TACC2: variants seen among roughly 807,000 people sequenced by gnomAD.
TACC2 encodes transforming acidic coiled-coil-containing protein 2.
TACC2 carries 137 observed loss-of-function variants against 227.3 expected under a neutral mutation model. That is an observed-to-expected ratio of 0.60 (90% CI 0.52 to 0.69). The LOEUF is 0.69. Ranked by LOEUF, TACC2 falls within the 30% of genes least tolerant of loss-of-function variation. The pLI is 0.00. For synonymous variants in TACC2, 1,523 were observed against 1,487.5 expected, an observed-to-expected ratio of 1.02 and a Z score of -0.55; for missense variants, 3,470 against 3,694.4, an observed-to-expected ratio of 0.94 and a Z score of 1.57.
In TACC2 at chr10:122,132,619, G is replaced by A; in HGVS notation, c.5584G>A (p.Ala1862Thr). Reference sequence around the variant, plus strand: ...CTTTTCTCTCCCCAGTTCACCTGTGGCAGATGATATCATCCAGCCCGCTGC... The same window carrying A: ...CTTTTCTCTCCCCAGTTCACCTGTGACAGATGATATCATCCAGCCCGCTGC... Reference protein sequence around the residue: ...GAEGTESSPVADDIIQPAAPA... With the variant: ...GAEGTESSPVTDDIIQPAAPA... The change falls in exon 6 of 23, where the codon GCA becomes ACA. Residue 1862 changes from alanine (A) to threonine (T), a missense_variant. Physicochemically the swap from Ala to Thr is moderately conservative, Grantham distance 58 (BLOSUM62 0). This residue lies in a region of TACC2 where 1,924 missense variants were observed against 1,978.3 expected (regional missense o/e 0.97). Coordinates refer to ENST00000369005, the MANE Select transcript of TACC2 (RefSeq NM_206862.4). The A allele has an allele frequency of 6.2e-7, 1 of 1,614,186 alleles. No individual in the cohort carries two copies. Among genetic ancestry groups the A allele is most frequent in the Non-Finnish European group, 8.5e-7 (1 of 1,180,024 alleles).
At chr10:122,072,775 T>TA (rs1402475879) in intron 3 of TACC2, among the ~76,000 whole-genome samples, 1 of 152,076 alleles carries the variant, frequency 6.6e-6, no homozygotes, top group African/African-American at 2.4e-5. Flanking sequence ...CATCATTCAG[T>TA]CACTCATTCA....
intron 1 of TACC2, among the ~76,000 whole-genome samples, chr10:122,001,789 C>T (rs930711041): frequency 6.6e-6 from 1 of 152,176 alleles, no homozygotes; most frequent in Non-Finnish European, 1.5e-5. Flanking sequence ...CCATATTTCT[C>T]CTATATCCTC....
intron 3 of TACC2, among the ~76,000 whole-genome samples, chr10:122,074,805 G>A (rs1355128357): frequency 3.9e-5 from 6 of 152,172 alleles, no homozygotes; most frequent in Admixed American, 1.3e-4. Context: ...GAAGATCTAC[G>A]TGGTCCCCGA....
chr10:122,086,736 C>T lies in TACC2; in HGVS notation c.4236C>T (p.Ile1412=), dbSNP rs549620504. Residue 1412 remains isoleucine (I), a synonymous_variant, in exon 4 of 23, where the codon ATC becomes ATT. Coordinates refer to ENST00000369005, the MANE Select transcript of TACC2 (RefSeq NM_206862.4). ...GCTTCCCAGACTTCAGGGAGCACAT[C>T]GCCAAGATCTTCGAGAAGCCTGTGC... ...LTGFPDFREH[I]AKIFEKPVLG... 47 of 1,613,956 alleles carry T rather than the reference C, an allele frequency of 2.9e-5. No individual in the cohort carries two copies. The highest frequency in any genetic ancestry group is 3.9e-5 in the Non-Finnish European group (46 of 1,179,982).
chr10:122,009,752 C>T (rs949451489), intron 1 of TACC2, among the ~76,000 whole-genome samples: 1 of 151,834 alleles, frequency 6.6e-6, no homozygotes, highest in African/African-American at 2.4e-5. Context: ...TTGATGAAAC[C>T]CCATCTCTAC....
At position 122,163,669 on chromosome 10, in the gene TACC2, A is replaced by ACGCCGGCCACACTGGGGCGCG. The variant is rs1555089877; in HGVS notation, c.5834+19976_5834+19977insGGGGCGCGCGCCGGCCACACT. 7.6e-4 allele frequency: 796 copies of ACGCCGGCCACACTGGGGCGCG among 1,040,788 alleles called. 1 individual carries two copies. Among genetic ancestry groups the ACGCCGGCCACACTGGGGCGCG allele is most frequent in the Non-Finnish European group, 9.0e-4 (777 of 861,748 alleles). 64.5% of individuals were successfully genotyped at this position (1,040,788 alleles called of 1,614,324 possible). On this transcript the variant is annotated intron_variant, in intron 7 of 22. Transcript: ENST00000369005. ...CCGCACGCCCCGGGCAGAGCCGCGC[A>ACGCCGGCCACACTGGGGCGCG]CGCCGGCCACACTCGGGCGCGCGCC...
At position 122,227,916 on chromosome 10, in the gene TACC2, A is replaced by G; in HGVS notation, c.7804A>G (p.Asn2602Asp). The change falls in exon 14 of 23, where the codon AAC (asparagine) becomes GAC (aspartate). Residue 2602 changes from asparagine to aspartate, a missense_variant. By Grantham distance (23) the Asn-to-Asp change is conservative. This residue lies in a region of TACC2 where 345 missense variants were observed against 354.4 expected (regional missense o/e 0.97). Coordinates refer to ENST00000369005, the MANE Select transcript of TACC2 (RefSeq NM_206862.4). ...QHPVPRGLAP[N>D]QESHLQVPEK... ...TCCTGTCCCACGAGGACTGGCCCCT[A>G]ACCAAGAGTCACACTTGCAGGTGCC... The G allele has an allele frequency of 6.2e-7, 1 of 1,614,220 alleles. No homozygotes were observed. The highest frequency in any genetic ancestry group is 1.1e-5 in the South Asian group (1 of 91,086).
chr10:122,165,897 T>C (rs1339325931), intron 7 of TACC2, among the ~76,000 whole-genome samples: 1 of 152,252 alleles, frequency 6.6e-6, no homozygotes, highest in Non-Finnish European at 1.5e-5. Context: ...TAACTGGGGC[T>C]TATTTTTCTA....
At chr10:122,178,947 A>G (rs1337891692) in intron 7 of TACC2, among the ~76,000 whole-genome samples, 1 of 152,226 alleles carries the variant, frequency 6.6e-6, no homozygotes, top group Non-Finnish European at 1.5e-5. Flanking sequence ...AAGTGAAACC[A>G]GAAGCATGAC....
intron 7 of TACC2, among the ~76,000 whole-genome samples, chr10:122,185,628 A>G (rs547934913): frequency 6.6e-6 from 1 of 152,218 alleles, no homozygotes; most frequent in Non-Finnish European, 1.5e-5. Flanking sequence ...GTGTTTTTTC[A>G]GAGAAGACCA....
chr10:122,202,928 C>T (rs866162721), intron 8 of TACC2, among the ~76,000 whole-genome samples: 4 of 151,050 alleles, frequency 2.6e-5, no homozygotes, highest in African/African-American at 4.9e-5. Context: ...TTAATCCATT[C>T]AACCCTGAGT....
rs144836678 is a variant in TACC2 at position 122,126,414 on chromosome 10, C to T, written c.5574-6195C>T. On this transcript the variant is annotated intron_variant, in intron 5 of 22. Transcript: ENST00000369005. ...TTTAGGTGGTTCTTATGTCCTTTGACGCGACTCCCCCAGCTGGGAAGTAGG... is the reference window on the plus strand; with the variant it reads ...TTTAGGTGGTTCTTATGTCCTTTGATGCGACTCCCCCAGCTGGGAAGTAGG... Among the ~76,000 whole-genome samples, 224 of 150,794 alleles carry T rather than the reference C, an allele frequency of 1.5e-3. 4 individuals carry two copies. In the East Asian group the frequency reaches 0.033, roughly 22 times the overall value.
intron 2 of TACC2, among the ~76,000 whole-genome samples, chr10:122,028,713 C>CCCTT (rs1315285466): frequency 6.6e-6 from 1 of 150,420 alleles, no homozygotes; most frequent in Non-Finnish European, 1.5e-5. Flanking sequence ...ATCCTGTATA[C>CCCTT]CCTTCCTTCC....
At chr10:122,151,779 G>C (rs2092068473) in intron 7 of TACC2, among the ~76,000 whole-genome samples, 1 of 152,190 alleles carries the variant, frequency 6.6e-6, no homozygotes, top group Non-Finnish European at 1.5e-5. Flanking sequence ...CCGTGGGGAT[G>C]GAGGGGACCT....
intron 2 of TACC2, chr10:122,023,854 A>C (rs940791936): frequency 6.6e-6 from 1 of 150,456 alleles, no homozygotes. Flanking sequence ...GTGAGACAAC[A>C]GGGACAGGCA....
intron 1 of TACC2, among the ~76,000 whole-genome samples, chr10:122,013,732 G>T (rs118139005): frequency 1.5e-3 from 229 of 152,318 alleles, no homozygotes; most frequent in Non-Finnish European, 2.3e-3. Context: ...ACGCAGTTCT[G>T]ATCTGAGCTT....
Position 122,007,278 on chromosome 10 carries a change from T to C in TACC2, c.-45-14659T>C, listed in dbSNP as rs566682434. ...ATTTTGTCTTTTTCTTATATTTTTT[T>C]CTGGAGTTCAATTGACAATCTTTTT... On this transcript the variant is annotated intron_variant, in intron 1 of 22. Transcript: ENST00000369005. Among the ~76,000 whole-genome samples, 423 of 152,342 alleles carry C rather than the reference T, an allele frequency of 2.8e-3. 1 individual carries two copies. Among genetic ancestry groups the C allele is most frequent in the African/African-American group, 9.8e-3 (409 of 41,582 alleles).
Position 122,171,865 on chromosome 10 carries a change from CTTA to C in TACC2, c.5835-23171_5835-23169del, listed in dbSNP as rs559833091. On this transcript the variant is annotated intron_variant, in intron 7 of 22. Coordinates refer to ENST00000369005, the MANE Select transcript of TACC2 (RefSeq NM_206862.4). ...CCCTTGGCCAGGCCCTTCCATGAGT[CTTA>C]TTAGCCTTGTGTCTTTGCTCTGAAG... Among the ~76,000 whole-genome samples, 276 of 152,338 alleles carry C rather than the reference CTTA, an allele frequency of 1.8e-3. 1 individual carries two copies. The highest frequency in any genetic ancestry group is 6.0e-3 in the African/African-American group (251 of 41,580).
intron 7 of TACC2, among the ~76,000 whole-genome samples, chr10:122,178,223 GT>G (rs971737241): frequency 6.8e-6 from 1 of 147,776 alleles, no homozygotes; most frequent in South Asian, 2.1e-4. Context: ...TTTTATAAGG[GT>G]TTTTTTCTTT....
Sources: allele counts gnomAD v4.1 joint callset (sites outside exome capture counted in the v4.1 genomes callset), GRCh38; gene constraint gnomAD v4.1.1; regional missense constraint gnomAD v4.1.1; transcripts MANE v1.5; gene names NCBI Gene and HGNC (gene_info 2026-07-23, HGNC 2026-07-21).